The following KLHL36 variants were observed in gnomAD, a reference collection of about 807,000 sequenced individuals.
The protein encoded by KLHL36 is kelch like family member 36, also known as kelch-like protein 36.
In KLHL36, 35 loss-of-function variants were observed where a neutral mutation model predicts 53.3. The ratio of observed to expected loss-of-function variants is 0.66; its 90% CI spans 0.50 to 0.87. The LOEUF is 0.87. Ranked by LOEUF, KLHL36 falls within the 40% of genes least tolerant of loss-of-function variation. The pLI, the probability that KLHL36 is intolerant of heterozygous loss-of-function variation, is 0.00. For missense variants in KLHL36, 864 were observed against 897.6 expected (o/e 0.96, Z 0.48); for synonymous variants, 472 against 398.9 (o/e 1.18, Z -2.18).
At chr16:84,659,426 C>G (rs1907412787) in intron 3 of KLHL36, 1 of 260,420 alleles carries the variant, frequency 3.8e-6, no homozygotes, top group South Asian at 6.7e-5. Context: ...CATAAAGCCA[C>G]TAGATCAGCA....
chr16:84,658,131 C>A (rs1227556260), intron 3 of KLHL36, 187 bp downstream of exon 3: 1 of 518,144 alleles, frequency 1.9e-6, no homozygotes, highest in Non-Finnish European at 3.3e-6. Context: ...AGAGCCGACC[C>A]ACCCCTTCGA....
chr16:84,650,449 G>T (rs569608664), intron 1 of KLHL36, among the ~76,000 whole-genome samples: 5 of 152,276 alleles, frequency 3.3e-5, no homozygotes, highest in African/African-American at 7.2e-5. Context: ...TGAAATAAGT[G>T]ATATCAGCCT....
At position 84,667,003 on chromosome 16, in the gene KLHL36, A is replaced by G. The variant is rs1907872543; in HGVS notation, c.*4870A>G. 1 of 150,860 alleles carries G rather than the reference A, an allele frequency of 6.6e-6. No homozygotes were observed. The highest frequency in any genetic ancestry group is 1.5e-5 in the Non-Finnish European group (1 of 67,904). The allele number at this position is 150,860 out of a possible 1,614,324, so 9.3% of individuals were successfully genotyped here. A position where few individuals can be genotyped will look rare whatever the true frequency, so the allele number is the denominator to read the frequency against. ...CTTGAACCCAGGAGGCAGAGGTTGCAGTGAGCCGAGGTTGCGCCACTGCAC... is the reference window on the plus strand; with the variant it reads ...CTTGAACCCAGGAGGCAGAGGTTGCGGTGAGCCGAGGTTGCGCCACTGCAC... On this transcript the variant is annotated 3_prime_UTR_variant, in exon 5 of 5. Transcript: ENST00000564996.
At chr16:84,653,431 C>T (rs9941259) in intron 2 of KLHL36, among the ~76,000 whole-genome samples, 4,780 of 152,082 alleles carry the variant, frequency 0.031, 263 homozygotes, top group African/African-American at 0.11. Flanking sequence ...TCTAAGTTAC[C>T]TGAAATGCGG....
intron 2 of KLHL36, among the ~76,000 whole-genome samples, chr16:84,655,054 G>T (rs909918766): frequency 1.3e-5 from 2 of 151,910 alleles, no homozygotes; most frequent in African/African-American, 4.8e-5. Context: ...GGGTAACCAG[G>T]ATAAATAGAG....
chr16:84,665,121 A>C lies in KLHL36; in HGVS notation c.*2988A>C, dbSNP rs1324482120. 6.6e-6 allele frequency: 1 copy of C among 152,240 alleles called. No homozygotes were observed. Among genetic ancestry groups the C allele is most frequent in the African/African-American group, 2.4e-5 (1 of 41,466 alleles). 9.4% of individuals were successfully genotyped at this position (152,240 alleles called of 1,614,324 possible). A position where few individuals can be genotyped will look rare whatever the true frequency, so the allele number is the denominator to read the frequency against. ...CGCACAGTCACGAATGTGGGGTTTT[A>C]AACTAGAGTGATGAAGGCACAGGTG... On this transcript the variant is annotated 3_prime_UTR_variant, in exon 5 of 5. Transcript: ENST00000564996.
At position 84,657,510 on chromosome 16, in the gene KLHL36, A is replaced by T. The variant is rs754606567; in HGVS notation, c.703A>T (p.Ile235Phe). The stretch of plus-strand genomic sequence containing the variant: ...CCACGCCCGCCAGGTGCTGGAGAAC[A>T]TCCACTTCCCGCTCATCCCCAAGAA... ...EAHARQVLEN[I>F]HFPLIPKNDL... The change falls in exon 3 of 5, where the codon ATC becomes TTC. Residue 235 changes from isoleucine (I) to phenylalanine (F), a missense_variant. Physicochemically the swap from Ile to Phe is conservative, Grantham distance 21. Transcript: ENST00000564996. 1 of 1,609,340 alleles carries T rather than the reference A, an allele frequency of 6.2e-7. No individual in the cohort carries two copies.
chr16:84,655,758 G>C (rs1324304066), intron 2 of KLHL36, among the ~76,000 whole-genome samples: 1 of 150,050 alleles, frequency 6.7e-6, no homozygotes, highest in Non-Finnish European at 1.5e-5. Flanking sequence ...AATAGCCCTC[G>C]GTCAGTTTTC....
In KLHL36 at chr16:84,661,394, C is replaced by T. The variant is rs1043817794; in HGVS notation, c.1296-184C>T. Among the ~76,000 whole-genome samples, 3 of 152,182 alleles carry T rather than the reference C, an allele frequency of 2.0e-5. No individual in the cohort carries two copies. The highest frequency in any genetic ancestry group is 3.9e-4 in the East Asian group (2 of 5,190). ...CTGACTGCAAAGCTGTCCACTTCCC[C>T]GCCCTGCCCTGCCATTTCTTTGCTA... On this transcript the variant is annotated intron_variant, in intron 4 of 4. Coordinates refer to ENST00000564996, the MANE Select transcript of KLHL36 (RefSeq NM_024731.4). This position sits in a 1 kb window ranked among gnomAD's most constrained non-coding sequence, Gnocchi z 7.9.
chr16:84,654,503 A>G (rs556908236), intron 2 of KLHL36, among the ~76,000 whole-genome samples: 33 of 152,308 alleles, frequency 2.2e-4, no homozygotes, highest in Admixed American at 5.2e-4. Context: ...AAAGTAAAAA[A>G]TAGCTGGATA....
At position 84,657,898 on chromosome 16, in the gene KLHL36, C is replaced by G; in HGVS notation, c.1091C>G (p.Ser364Cys). 6.4e-7 allele frequency: 1 copy of G among 1,552,854 alleles called. No individual in the cohort carries two copies. Among genetic ancestry groups the G allele is most frequent in the Non-Finnish European group, 8.7e-7 (1 of 1,148,744 alleles). Reference protein sequence around the residue: ...FSRDNGGDAASNLLYRYDPRC... With the variant: ...FSRDNGGDAACNLLYRYDPRC... ...CGGGACAACGGAGGGGATGCGGCCT[C>G]CAATCTTCTTTATAGGTATGACCCC... Residue 364 changes from serine (S) to cysteine (C), a missense_variant, in exon 3 of 5, where the codon TCC becomes TGC. Coordinates refer to ENST00000564996, the MANE Select transcript of KLHL36 (RefSeq NM_024731.4).
At position 84,661,912 on chromosome 16, in the gene KLHL36, T is replaced by C. The variant is rs1322898424; in HGVS notation, c.1630T>C (p.Trp544Arg). Residue 544 changes from tryptophan to arginine, a missense_variant, in exon 5 of 5, where the codon TGG becomes CGG. Physicochemically the swap from Trp to Arg is moderately radical, Grantham distance 101. Coordinates refer to ENST00000564996, the MANE Select transcript of KLHL36 (RefSeq NM_024731.4). The surrounding 1 kb of genome is among the most constrained non-coding windows in gnomAD (Gnocchi z 7.9). Reference protein sequence around the residue: ...HANSESGVAVWEGRIYILGGY... With the variant: ...HANSESGVAVREGRIYILGGY... ...CAACAGCGAGTCGGGCGTGGCAGTG[T>C]GGGAGGGCCGCATCTACATCCTGGG... 3 of 1,599,302 alleles carry C rather than the reference T, an allele frequency of 1.9e-6. No individual in the cohort carries two copies. The highest frequency in any genetic ancestry group is 8.5e-7 in the Non-Finnish European group (1 of 1,170,842).
At chr16:84,659,529 T>A (rs1242297564) in intron 3 of KLHL36, 3 of 504,270 alleles carry the variant, frequency 5.9e-6, no homozygotes, top group African/African-American at 5.8e-5. Context: ...ATCCCCCTTT[T>A]GGGGACTCAG....
rs1184605206 is a variant in KLHL36, at chr16:84,665,583, G to A, written c.*3450G>A. The A allele has an allele frequency of 5.9e-5, 9 of 152,156 alleles. No homozygotes were observed. The highest frequency in any genetic ancestry group is 1.3e-4 in the Non-Finnish European group (9 of 68,034). The allele number at this position is 152,156 out of a possible 1,614,324, so 9.4% of individuals were successfully genotyped here. On this transcript the variant is annotated 3_prime_UTR_variant, in exon 5 of 5. Transcript: ENST00000564996. ...GCTATCAAGTGGGACTTCAGACCTG[G>A]CTCTGAGCAGGACCACACGTGTGTA...
chr16:84,654,142 G>C lies in KLHL36; in HGVS notation c.64-2729G>C, dbSNP rs545546388. Among the ~76,000 whole-genome samples the C allele has an allele frequency of 2.0e-5, 3 of 152,340 alleles. No individual in the cohort carries two copies. In the South Asian group the frequency reaches 6.2e-4, roughly 32 times the overall value. The stretch of plus-strand genomic sequence containing the variant: ...GTTGTGTGTATCTCCGTCTAAGCAT[G>C]GTAGGGCCAGCACCCTCACCAGCGT... On this transcript the variant is annotated intron_variant, in intron 2 of 4. Transcript: ENST00000564996.
Position 84,666,081 on chromosome 16 carries a change from T to C in KLHL36, c.*3948T>C, listed in dbSNP as rs1266239004. On this transcript the variant is annotated 3_prime_UTR_variant, in exon 5 of 5. Transcript: ENST00000564996. ...GGGGAGGGGGTGGCATCCTGGCCTC[T>C]AGGATAAATGCCTGGAGTATAGGGC... The C allele has an allele frequency of 6.6e-6, 1 of 152,218 alleles. No individual in the cohort carries two copies. The highest frequency in any genetic ancestry group is 2.4e-5 in the African/African-American group (1 of 41,432). 9.4% of individuals were successfully genotyped at this position (152,218 alleles called of 1,614,324 possible). A position where few individuals can be genotyped will look rare whatever the true frequency, so the allele number is the denominator to read the frequency against.
At position 84,659,616 on chromosome 16, in the gene KLHL36, G is replaced by A. The variant is rs142829153; in HGVS notation, c.1138-144G>A. On this transcript the variant is annotated intron_variant, in intron 3 of 4. Transcript: ENST00000564996. ...GGGCTCAGAGCTCCCACCTGAAGAA[G>A]CCCTCTTTATTCAGGTGCAGTTCCC... 317 of 824,072 alleles carry A rather than the reference G, an allele frequency of 3.8e-4. No homozygotes were observed. In the African/African-American group the frequency reaches 5.0e-3, roughly 13 times the overall value. The allele number at this position is 824,072 out of a possible 1,614,324, so 51.0% of individuals were successfully genotyped here. A position where few individuals can be genotyped will look rare whatever the true frequency, so the allele number is the denominator to read the frequency against.
rs918381005 is a variant in KLHL36 at position 84,665,790 on chromosome 16, G to C, written c.*3657G>C. ...GTTCACCTGTGGTTCAGTGTACCTC[G>C]GCCCCTAAGCCAAGTGATCGTTCAG... is the stretch of plus-strand genomic sequence containing the variant. On this transcript the variant is annotated 3_prime_UTR_variant, in exon 5 of 5. Coordinates refer to ENST00000564996, the MANE Select transcript of KLHL36 (RefSeq NM_024731.4). 3 of 152,286 alleles carry C rather than the reference G, an allele frequency of 2.0e-5. No individual in the cohort carries two copies. Among genetic ancestry groups the C allele is most frequent in the African/African-American group, 7.2e-5 (3 of 41,452 alleles). 9.4% of individuals were successfully genotyped at this position (152,286 alleles called of 1,614,324 possible). A position where few individuals can be genotyped will look rare whatever the true frequency, so the allele number is the denominator to read the frequency against.
chr16:84,660,013 A>G, intron 4 of KLHL36, 96 bp downstream of exon 4: 1 of 1,192,836 alleles, frequency 8.4e-7, no homozygotes, highest in Admixed American at 2.1e-5. Flanking sequence ...GTTGGCCTCC[A>G]ATTCCAGGAA....
Sources: allele counts gnomAD v4.1 joint callset (sites outside exome capture counted in the v4.1 genomes callset), GRCh38; gene constraint gnomAD v4.1.1; non-coding constraint Gnocchi (gnomAD v3.1); transcripts MANE v1.5; gene names NCBI Gene and HGNC (gene_info 2026-07-23, HGNC 2026-07-21).